Variants in CCDC60 observed in about 807,000 individuals in gnomAD.
CCDC60 encodes the protein coiled-coil domain containing 60.
A neutral mutation model predicts 63.5 loss-of-function variants in CCDC60; 54 were observed. The observed-to-expected ratio is 0.85, with a 90% confidence interval of 0.68 to 1.07. The LOEUF (loss-of-function observed/expected upper bound fraction) is 1.07, where lower values mean the gene tolerates loss of function less well. Among genes scored for constraint, CCDC60 ranks in the 50% least tolerant of loss-of-function variants. CCDC60 has a pLI of 0.00. For missense variants in CCDC60, 651 were observed against 684.3 expected, an observed-to-expected ratio of 0.95 and a Z score of 0.54; for synonymous variants, 206 against 238.8, an observed-to-expected ratio of 0.86 and a Z score of 1.27.
intron 5 of CCDC60, among the ~76,000 whole-genome samples, chr12:119,490,858 CTATT>C (rs919722607): frequency 1.2e-4 from 19 of 152,262 alleles, no homozygotes; most frequent in Non-Finnish European, 2.6e-4. Context: ...GGATTACAGG[CTATT>C]TATTTTTCTC....
chr12:119,359,784 C>T (rs1955755382), intron 1 of CCDC60, among the ~76,000 whole-genome samples: 1 of 152,112 alleles, frequency 6.6e-6, no homozygotes, highest in African/African-American at 2.4e-5. Context: ...GCACGTCTTG[C>T]ACCGCCCTTA....
chr12:119,516,556 C>A, intron 7 of CCDC60, 67 bp from the exon 8 acceptor site: 2 of 1,128,772 alleles, frequency 1.8e-6, no homozygotes, highest in African/African-American at 1.5e-5. Context: ...GGGGCTGCAC[C>A]CTGTTCTGCA....
intron 1 of CCDC60, chr12:119,388,390 G>A (rs1956095638): frequency 6.6e-6 from 1 of 152,160 alleles, no homozygotes; most frequent in South Asian, 2.1e-4. Flanking sequence ...CAGAAAATTT[G>A]TACCAAATCA....
chr12:119,499,619 C>CAA (rs1434229647), intron 5 of CCDC60, among the ~76,000 whole-genome samples: 1 of 152,160 alleles, frequency 6.6e-6, no homozygotes, highest in Admixed American at 6.5e-5. Context: ...TTTCATTGTG[C>CAA]AATCCACCCC....
At chr12:119,418,108 G>T (rs1205131859) in intron 1 of CCDC60, among the ~76,000 whole-genome samples, 2 of 134,022 alleles carry the variant, frequency 1.5e-5, no homozygotes, top group African/African-American at 3.0e-5. Context: ...TTATCTTTTT[G>T]TCATGTTTTT....
At chr12:119,536,988 T>A (rs1953022912) in intron 13 of CCDC60, among the ~76,000 whole-genome samples, 1 of 152,230 alleles carries the variant, frequency 6.6e-6, no homozygotes, top group South Asian at 2.1e-4. Context: ...TTCTCCTGGA[T>A]AATATCCTGC....
In CCDC60 at chr12:119,505,217, G is replaced by C; in HGVS notation, c.797G>C (p.Ser266Thr). 1.2e-6 allele frequency: 2 copies of C among 1,614,018 alleles called. No individual in the cohort carries two copies. Among genetic ancestry groups the C allele is most frequent in the Non-Finnish European group, 1.7e-6 (2 of 1,180,026 alleles). Residue 266 changes from serine (S) to threonine (T), a missense_variant, in exon 7 of 14, where the codon AGT becomes ACT. Physicochemically the swap from Ser to Thr is moderately conservative, Grantham distance 58. Transcript: ENST00000327554. The part of the protein sequence containing the change: ...SVNPGSDEPP[S>T]VNTQVTSSKD... ...AACCCTGGCTCGGATGAGCCCCCAAGTGTGAACACCCAGGTGACCAGCAGC... is the reference window on the plus strand; with the variant it reads ...AACCCTGGCTCGGATGAGCCCCCAACTGTGAACACCCAGGTGACCAGCAGC...
chr12:119,492,622 G>C (rs1417686994), intron 5 of CCDC60, among the ~76,000 whole-genome samples: 1 of 152,162 alleles, frequency 6.6e-6, no homozygotes, highest in Non-Finnish European at 1.5e-5. Context: ...AGAGGGATTA[G>C]AGTGATTAAG....
chr12:119,338,623 T>G (rs1955499412), intron 1 of CCDC60, among the ~76,000 whole-genome samples: 1 of 152,216 alleles, frequency 6.6e-6, no homozygotes, highest in African/African-American at 2.4e-5. Context: ...CTGTTCAATG[T>G]GCCCAGCACC....
At position 119,335,069 on chromosome 12, in the gene CCDC60, A is replaced by G. The variant is rs915622580; in HGVS notation, c.-108A>G. ...GAGTTCGTGTAATTGGGACTTGGGGATCAGGGAGAAGTTGCCGAAACTTCT... is the reference window on the plus strand; with the variant it reads ...GAGTTCGTGTAATTGGGACTTGGGGGTCAGGGAGAAGTTGCCGAAACTTCT... On this transcript the variant is annotated 5_prime_UTR_variant, in exon 1 of 14. Transcript: ENST00000327554. The G allele has an allele frequency of 1.4e-5, 11 of 813,142 alleles. No individual in the cohort carries two copies. The highest frequency in any genetic ancestry group is 1.0e-4 in the African/African-American group (6 of 57,648). The allele number at this position is 813,142 out of a possible 1,614,324, so 50.4% of individuals were successfully genotyped here.
chr12:119,410,802 G>A lies in CCDC60; in HGVS notation c.91-17881G>A, dbSNP rs1956583624. On this transcript the variant is annotated intron_variant, in intron 1 of 13. Transcript: ENST00000327554. This position sits in a 1 kb window ranked among gnomAD's most constrained non-coding sequence, Gnocchi z 4.0. ...CTGTCACTCGGGCTGCAGTGCGGTG[G>A]CGCGATCTCAGCTCACTGCAGCCTC... Among the ~76,000 whole-genome samples the A allele has an allele frequency of 6.6e-6, 1 of 152,144 alleles. No individual in the cohort carries two copies. The highest frequency in any genetic ancestry group is 6.5e-5 in the Admixed American group (1 of 15,274).
chr12:119,479,118 G>C lies in CCDC60; in HGVS notation c.366G>C (p.Lys122Asn). ...GCACATATGATGATGAGAAGTTGAA[G>C]ACACTGGGAGCTAGAGTCACACGTC... ...LLSTYDDEKL[K>N]TLGARVTRRP... Residue 122 changes from lysine (K) to asparagine (N), a missense_variant, in exon 4 of 14, where the codon AAG becomes AAC. By Grantham distance (94) the Lys-to-Asn change is moderately conservative (BLOSUM62 0). Transcript: ENST00000327554. The C allele has an allele frequency of 6.2e-7, 1 of 1,613,712 alleles. No homozygotes were observed.
chr12:119,409,621 A>G (rs1384665243), intron 1 of CCDC60, among the ~76,000 whole-genome samples: 1 of 152,210 alleles, frequency 6.6e-6, no homozygotes, highest in Non-Finnish European at 1.5e-5. Context: ...GATTTTGCAA[A>G]CATAGAAGAC....
chr12:119,472,399 G>A (rs181813532), intron 3 of CCDC60, among the ~76,000 whole-genome samples: 88 of 152,054 alleles, frequency 5.8e-4, no homozygotes, highest in African/African-American at 1.7e-3. Context: ...TGCTCTCTCC[G>A]AATACTTCCT....
intron 2 of CCDC60, among the ~76,000 whole-genome samples, chr12:119,433,996 A>G (rs1455797145): frequency 6.6e-6 from 1 of 152,210 alleles, no homozygotes; most frequent in African/African-American, 2.4e-5. Flanking sequence ...CAAAGGTGCC[A>G]GCGCTTTTTA....
At chr12:119,349,752 T>C (rs2136152014) in intron 1 of CCDC60, among the ~76,000 whole-genome samples, 1 of 152,258 alleles carries the variant, frequency 6.6e-6, no homozygotes, top group Non-Finnish European at 1.5e-5. Context: ...CCCTGTGAAG[T>C]CTCCATCCCG....
intron 2 of CCDC60, among the ~76,000 whole-genome samples, chr12:119,468,401 A>G (rs114637449): frequency 2.0e-5 from 3 of 152,238 alleles, no homozygotes; most frequent in African/African-American, 7.2e-5. Flanking sequence ...GCACAATTTT[A>G]TACATAAGAA....
At chr12:119,403,754 T>C (rs967135078) in intron 1 of CCDC60, among the ~76,000 whole-genome samples, 1 of 152,156 alleles carries the variant, frequency 6.6e-6, no homozygotes, top group African/African-American at 2.4e-5. Flanking sequence ...CACTATCAAG[T>C]TCTCACTCAC....
intron 6 of CCDC60, among the ~76,000 whole-genome samples, chr12:119,503,064 C>T (rs780318039): frequency 1.8e-4 from 27 of 152,062 alleles, no homozygotes; most frequent in Non-Finnish European, 3.2e-4. Context: ...GTAATACCAG[C>T]TACTTGGGAG....
Sources: gnomAD v4.1 joint callset for allele counts (sites outside exome capture counted in the v4.1 genomes callset) on GRCh38, gnomAD v4.1.1 for gene constraint, Gnocchi (gnomAD v3.1) non-coding constraint, MANE v1.5 for transcripts, NCBI Gene and HGNC (gene_info 2026-07-23, HGNC 2026-07-21) for gene names.